Variants in CIMIP1 observed in about 807,000 individuals in gnomAD.
CIMIP1 encodes ciliary microtubule inner protein 1.
the CIMIP1 span, chr20:58,160,995 G>A: frequency 2.3e-5 from 14 of 602,764 alleles, no homozygotes; most frequent in Admixed American, 2.8e-4. Context: ...AGTCATCAGC[G>A]TCACCCTTCC....
At chr20:58,153,678 A>G in the CIMIP1 span, 1 of 1,256,958 alleles carries the variant, frequency 8.0e-7, no homozygotes, top group African/African-American at 1.5e-5. Context: ...ATTTCAAAGA[A>G]TGAATGATTA....
chr20:58,160,456 G>A, the CIMIP1 span, among the ~76,000 whole-genome samples: 3 of 152,240 alleles, frequency 2.0e-5, no homozygotes, highest in East Asian at 1.9e-4. Context: ...GGCATTACAC[G>A]ATAAAGAAAC....
the CIMIP1 span, chr20:58,155,442 T>A: frequency 7.0e-6 from 11 of 1,571,180 alleles, no homozygotes; most frequent in Non-Finnish European, 9.6e-6. Flanking sequence ...ACGTAAGACT[T>A]CCCATCTCTG....
the CIMIP1 span, among the ~76,000 whole-genome samples, chr20:58,153,309 C>G: frequency 6.6e-6 from 1 of 152,152 alleles, no homozygotes; most frequent in Non-Finnish European, 1.5e-5. Flanking sequence ...TGGCCCTTAC[C>G]CGGCATTCCC....
the CIMIP1 span, chr20:58,155,621 T>A: frequency 6.9e-7 from 1 of 1,455,184 alleles, no homozygotes; most frequent in Non-Finnish European, 9.6e-7. Flanking sequence ...TTTTCCTAAG[T>A]AAGAAATAAG....
At chr20:58,154,397 C>A in the CIMIP1 span, among the ~76,000 whole-genome samples, 1 of 152,204 alleles carries the variant, frequency 6.6e-6, no homozygotes, top group Admixed American at 6.5e-5. Flanking sequence ...AAATGAAATG[C>A]TTATGTGGGT....
the CIMIP1 span, among the ~76,000 whole-genome samples, chr20:58,157,339 A>G: frequency 1.5e-4 from 23 of 152,202 alleles, no homozygotes; most frequent in African/African-American, 5.1e-4. Flanking sequence ...AAAAAAGCTG[A>G]ATTCCTTTCT....
the CIMIP1 span, among the ~76,000 whole-genome samples, chr20:58,153,336 C>T: frequency 2.0e-5 from 3 of 152,186 alleles, no homozygotes; most frequent in African/African-American, 4.8e-5. Context: ...CCGTAACAGC[C>T]AACCAGCATC....
the CIMIP1 span, among the ~76,000 whole-genome samples, chr20:58,158,984 T>TTG: frequency 1.3e-5 from 2 of 152,128 alleles, no homozygotes; most frequent in Non-Finnish European, 2.9e-5. Context: ...ACACCACACA[T>TTG]TGCATGGATG....
At chr20:58,160,830 C>T in the CIMIP1 span, 74 of 1,608,232 alleles carry the variant, frequency 4.6e-5, no homozygotes, top group Admixed American at 1.2e-4. Context: ...TGAATCCAGA[C>T]GGAGTTCTGC....
chr20:58,150,945 G>T, the CIMIP1 span: 1 of 1,593,356 alleles, frequency 6.3e-7, no homozygotes, highest in African/African-American at 1.3e-5. Flanking sequence ...CTTGCGGGGC[G>T]CACAGAGCCC....
At chr20:58,150,904 G>A in the CIMIP1 span, 1 of 1,520,624 alleles carries the variant, frequency 6.6e-7, no homozygotes, top group East Asian at 2.4e-5. Context: ...GGTCTCCCAG[G>A]AGACGCGAGA....
chr20:58,153,579 A>G, the CIMIP1 span: 1 of 1,614,202 alleles, frequency 6.2e-7, no homozygotes, highest in Non-Finnish European at 8.5e-7. Flanking sequence ...GAAGCACGGC[A>G]GAACTGGCCC....
At chr20:58,159,584 G>T in the CIMIP1 span, among the ~76,000 whole-genome samples, 1 of 152,006 alleles carries the variant, frequency 6.6e-6, no homozygotes, top group Non-Finnish European at 1.5e-5. Flanking sequence ...GTTAGTGGTG[G>T]TGTTTTCATC....
At chr20:58,156,623 GAA>G in the CIMIP1 span, among the ~76,000 whole-genome samples, 1 of 152,182 alleles carries the variant, frequency 6.6e-6, no homozygotes, top group African/African-American at 2.4e-5. Context: ...TGCTAGTGGA[GAA>G]AAGATTGTGG....
chr20:58,153,659 GAATC>G, the CIMIP1 span: 1 of 1,389,200 alleles, frequency 7.2e-7, no homozygotes, highest in Non-Finnish European at 1.0e-6. Context: ...CAAGGTTACA[GAATC>G]AATCATTTCA....
the CIMIP1 span, among the ~76,000 whole-genome samples, chr20:58,152,158 G>A: frequency 6.6e-6 from 1 of 152,054 alleles, no homozygotes; most frequent in Non-Finnish European, 1.5e-5. Context: ...TTTATCATTT[G>A]GCATAAAATA....
the CIMIP1 span, among the ~76,000 whole-genome samples, chr20:58,159,204 T>TTTC: frequency 2.0e-5 from 3 of 149,684 alleles, no homozygotes; most frequent in Non-Finnish European, 4.4e-5. Flanking sequence ...TTTTTTTTTT[T>TTTC]GCATCTGCAC....
At chr20:58,158,947 T>C in the CIMIP1 span, among the ~76,000 whole-genome samples, 1 of 152,182 alleles carries the variant, frequency 6.6e-6, no homozygotes, top group Admixed American at 6.5e-5. Flanking sequence ...TAGAAGTTTG[T>C]CTCATCCTTC....
Sources: gnomAD v4.1 joint callset for allele counts (sites outside exome capture counted in the v4.1 genomes callset) on GRCh38, gnomAD v4.1.1 for gene constraint, MANE v1.5 for transcripts, NCBI Gene and HGNC (gene_info 2026-07-23, HGNC 2026-07-21) for gene names.